The following KCNN2 variants were observed in gnomAD, a reference collection of about 807,000 sequenced individuals.
KCNN2 encodes small conductance calcium-activated potassium channel protein 2.
A neutral mutation model predicts 55.5 loss-of-function variants in KCNN2; 24 were observed. The ratio of observed to expected loss-of-function variants is 0.43; its 90% CI spans 0.31 to 0.61. The LOEUF (loss-of-function observed/expected upper bound fraction) is 0.61. Ranked by LOEUF, KCNN2 falls within the 20% of genes least tolerant of loss-of-function variation. The pLI, the probability that KCNN2 is intolerant of heterozygous loss-of-function variation, is 0.08. For missense variants in KCNN2, 754 were observed against 853.6 expected, an observed-to-expected ratio of 0.88 and a Z score of 1.45; for synonymous variants, 431 against 336.1, an observed-to-expected ratio of 1.28 and a Z score of -3.09.
At chr5:114,278,286 G>A (rs958547410) in intron 2 of KCNN2, among the ~76,000 whole-genome samples, 3 of 152,172 alleles carry the variant, frequency 2.0e-5, no homozygotes, top group Non-Finnish European at 4.4e-5. Flanking sequence ...GTGTCTCCCA[G>A]TCAGGCTACA....
At chr5:114,143,710 C>G (rs1223785446) in intron 1 of KCNN2, among the ~76,000 whole-genome samples, 1 of 152,184 alleles carries the variant, frequency 6.6e-6, no homozygotes, top group Non-Finnish European at 1.5e-5. Context: ...TTGGCTCATT[C>G]TGGCAGTCCA....
At position 114,156,769 on chromosome 5, in the gene KCNN2, C is replaced by T. The variant is rs76195178; in HGVS notation, c.-270-64711C>T. On this transcript the variant is annotated intron_variant, in intron 1 of 10. Transcript: ENST00000512097. ...GTTAAAGTTGTTTCTCTTTTTTTTC[C>T]TAAATTCATGCCTTTTATTAATATG... Among the ~76,000 whole-genome samples the T allele has an allele frequency of 2.9e-3, 433 of 151,798 alleles. 2 individuals are homozygous for T. The highest frequency in any genetic ancestry group is 1.0e-2 in the African/African-American group (414 of 41,444).
At chr5:114,065,658 A>G (rs553217589) in intron 1 of KCNN2, among the ~76,000 whole-genome samples, 1 of 152,180 alleles carries the variant, frequency 6.6e-6, no homozygotes, top group African/African-American at 2.4e-5. Context: ...GACATTTGCA[A>G]AAGTGATAAG....
At chr5:114,183,727 C>CTT (rs954898156) in intron 1 of KCNN2, among the ~76,000 whole-genome samples, 1 of 143,668 alleles carries the variant, frequency 7.0e-6, no homozygotes. Flanking sequence ...TTGTACTCTC[C>CTT]TTTTTTTTTT....
At chr5:114,483,209 GT>G (rs1364541234) in intron 5 of KCNN2, among the ~76,000 whole-genome samples, 5 of 150,690 alleles carry the variant, frequency 3.3e-5, no homozygotes, top group South Asian at 4.2e-4. Context: ...TGTGAAAGTT[GT>G]TTTTAAGGAA....
rs191435839 is a variant in KCNN2, at chr5:114,476,762, G to T, written c.1890+3598G>T. ...GACATCCAAGATGTCACTAAATAAA[G>T]ATATTAATGTTAAAATGACACTAGA... On this transcript the variant is annotated intron_variant, in intron 5 of 7. Transcript: ENST00000673685. Among the ~76,000 whole-genome samples, 392 of 152,200 alleles carry T rather than the reference G, an allele frequency of 2.6e-3. 1 individual carries two copies. Among genetic ancestry groups the T allele is most frequent in the Non-Finnish European group, 4.0e-3 (269 of 68,022 alleles).
chr5:114,420,580 C>G (rs1039698224), intron 3 of KCNN2, among the ~76,000 whole-genome samples: 1 of 152,174 alleles, frequency 6.6e-6, no homozygotes, highest in African/African-American at 2.4e-5. Flanking sequence ...TGCTATCTCT[C>G]TTAAGCAATA....
chr5:114,098,911 A>T (rs1011980588), intron 1 of KCNN2, among the ~76,000 whole-genome samples: 2 of 152,016 alleles, frequency 1.3e-5, no homozygotes, highest in Non-Finnish European at 1.5e-5. Context: ...CATTATACTC[A>T]CTGTCAGACT....
At chr5:114,449,912 G>A (rs966871191) in intron 3 of KCNN2, among the ~76,000 whole-genome samples, 2,248 of 127,340 alleles carry the variant, frequency 0.018, 26 homozygotes, top group Non-Finnish European at 0.021. Context: ...ACACACACGC[G>A]CGCGCTCGCG....
At chr5:114,144,136 C>T (rs1296119665) in intron 1 of KCNN2, among the ~76,000 whole-genome samples, 1 of 152,196 alleles carries the variant, frequency 6.6e-6, no homozygotes, top group Non-Finnish European at 1.5e-5. Flanking sequence ...AAATTACCTT[C>T]AGTTCCTTGT....
chr5:114,470,210 T>G (rs1761656629), intron 4 of KCNN2, among the ~76,000 whole-genome samples: 1 of 152,192 alleles, frequency 6.6e-6, no homozygotes, highest in Non-Finnish European at 1.5e-5. Flanking sequence ...TGTTAGGATT[T>G]TGATTTCTTT....
At chr5:114,355,088 T>C (rs1757273767) in intron 2 of KCNN2, among the ~76,000 whole-genome samples, 1 of 152,208 alleles carries the variant, frequency 6.6e-6, no homozygotes, top group Non-Finnish European at 1.5e-5. Flanking sequence ...TTTCCCTTTG[T>C]ATGAGTAGGC....
intron 2 of KCNN2, among the ~76,000 whole-genome samples, chr5:114,223,842 G>A (rs1754191589): frequency 6.6e-6 from 1 of 152,194 alleles, no homozygotes; most frequent in Non-Finnish European, 1.5e-5. Context: ...GAAGGGCTGT[G>A]TGGGGCTAGG....
chr5:114,160,332 C>G (rs952758661), intron 1 of KCNN2, among the ~76,000 whole-genome samples: 5 of 152,118 alleles, frequency 3.3e-5, no homozygotes, highest in Non-Finnish European at 1.5e-5. Context: ...GTTTCTTATT[C>G]CTGAGTTCTA....
At chr5:114,157,923 A>C (rs1022150625) in intron 1 of KCNN2, among the ~76,000 whole-genome samples, 1 of 151,130 alleles carries the variant, frequency 6.6e-6, no homozygotes, top group Non-Finnish European at 1.5e-5. Context: ...AGATGAGTAG[A>C]TTGCAAAAAT....
At chr5:114,166,938 C>T (rs760522035) in intron 1 of KCNN2, among the ~76,000 whole-genome samples, 3 of 152,098 alleles carry the variant, frequency 2.0e-5, no homozygotes, top group Non-Finnish European at 4.4e-5. Flanking sequence ...ATCTGTAAAC[C>T]AGGAATTGGT....
At chr5:114,283,036 G>A (rs1015041586) in intron 2 of KCNN2, among the ~76,000 whole-genome samples, 1 of 152,098 alleles carries the variant, frequency 6.6e-6, no homozygotes, top group African/African-American at 2.4e-5. Flanking sequence ...ATGTGAATTT[G>A]TTTTTATTCA....
At chr5:114,186,104 C>T (rs911192528) in intron 1 of KCNN2, among the ~76,000 whole-genome samples, 1 of 152,040 alleles carries the variant, frequency 6.6e-6, no homozygotes, top group Non-Finnish European at 1.5e-5. Context: ...TTCCTCTTTC[C>T]TTAGAGGAAT....
At position 114,107,382 on chromosome 5, in the gene KCNN2, G is replaced by C. The variant is rs151072241; in HGVS notation, c.-271+50882G>C. 5.2e-3 allele frequency among the ~76,000 whole-genome samples: 793 copies of C among 151,946 alleles called. 9 individuals are homozygous for C. The highest frequency in any genetic ancestry group is 0.018 in the African/African-American group (750 of 41,474). On this transcript the variant is annotated intron_variant, in intron 1 of 10. Coordinates refer to the KCNN2 transcript ENST00000512097. ...GTATTTCCTAGTGTCCACTCTTTGT[G>C]TTATAATGTGCATTCTTTTTGAGAT...
Sources: gnomAD v4.1 joint callset for allele counts (sites outside exome capture counted in the v4.1 genomes callset) on GRCh38, gnomAD v4.1.1 for gene constraint, MANE v1.5 for transcripts, NCBI Gene and HGNC (gene_info 2026-07-23, HGNC 2026-07-21) for gene names.